The following IQCJ variants were observed in gnomAD, a reference collection of about 807,000 sequenced individuals.
IQCJ encodes IQ motif containing J, also known as IQ domain-containing protein J.
Under a neutral mutation model 11.0 loss-of-function variants are expected in IQCJ, and 9 were observed. That is an observed-to-expected ratio of 0.82 (90% CI 0.49 to 1.43). The LOEUF (loss-of-function observed/expected upper bound fraction) is 1.43, where lower values mean the gene tolerates loss of function less well. IQCJ is among the 40% of genes most tolerant of loss of function. The probability of loss-of-function intolerance (pLI) is 0.00; values close to 1 mark genes in which losing one functional copy is unlikely to be tolerated. For synonymous variants in IQCJ, 55 were observed against 51.3 expected (o/e 1.07, Z -0.31); for missense variants, 146 against 133.2 (o/e 1.10, Z -0.47).
At chr3:159,161,806 G>A (rs1721875902) in intron 1 of IQCJ, among the ~76,000 whole-genome samples, 1 of 152,098 alleles carries the variant, frequency 6.6e-6, no homozygotes, top group African/African-American at 2.4e-5. Context: ...CTCATTGCTT[G>A]TTTTTCTCAG....
chr3:159,086,134 T>A (rs1358496276), intron 1 of IQCJ, among the ~76,000 whole-genome samples: 3 of 152,314 alleles, frequency 2.0e-5, no homozygotes, highest in Admixed American at 2.0e-4. Context: ...TTTCTACATA[T>A]GGCTAGCCAG....
intron 1 of IQCJ, among the ~76,000 whole-genome samples, chr3:159,073,357 G>GAT (rs1715711874): frequency 6.6e-6 from 1 of 152,076 alleles, no homozygotes; most frequent in Admixed American, 6.6e-5. Context: ...CTGCCAAGGT[G>GAT]ATATCTCTAC....
chr3:159,129,470 G>A (rs1000522643), intron 1 of IQCJ, among the ~76,000 whole-genome samples: 6 of 152,130 alleles, frequency 3.9e-5, no homozygotes, highest in African/African-American at 9.7e-5. Flanking sequence ...TTGACTAGAG[G>A]TGGGGTTCTT....
chr3:159,166,850 A>G (rs987132273), intron 1 of IQCJ, among the ~76,000 whole-genome samples: 2 of 152,208 alleles, frequency 1.3e-5, no homozygotes, highest in Non-Finnish European at 2.9e-5. Context: ...GTGCTCCCTC[A>G]GCAAGTCTTC....
intron 1 of IQCJ, among the ~76,000 whole-genome samples, chr3:159,231,164 A>G (rs1726224340): frequency 6.6e-6 from 1 of 152,192 alleles, no homozygotes; most frequent in African/African-American, 2.4e-5. Context: ...CATTTAGGCT[A>G]TGTAAGGAGA....
At chr3:159,092,490 G>A (rs745709836) in intron 1 of IQCJ, among the ~76,000 whole-genome samples, 11 of 151,804 alleles carry the variant, frequency 7.2e-5, no homozygotes, top group Admixed American at 2.0e-4. Flanking sequence ...ACGAGATCAG[G>A]AGATGGAGAC....
intron 1 of IQCJ, among the ~76,000 whole-genome samples, chr3:159,128,824 A>G (rs1041901523): frequency 9.9e-5 from 15 of 152,080 alleles, no homozygotes; most frequent in Admixed American, 7.2e-4. Flanking sequence ...ATCTTTTTCT[A>G]CCCAAGTCTT....
chr3:159,116,954 T>A (rs1719062061), intron 1 of IQCJ, among the ~76,000 whole-genome samples: 1 of 151,880 alleles, frequency 6.6e-6, no homozygotes, highest in African/African-American at 2.4e-5. Flanking sequence ...CTGGGGTGAA[T>A]GGAGGTAGGG....
Position 159,227,637 on chromosome 3 carries a change from C to T in IQCJ, c.10-18206C>T, listed in dbSNP as rs140030821. On this transcript the variant is annotated intron_variant, in intron 1 of 3. Transcript: ENST00000397832. ...GGACTCTCAACAAATATTAGCTAGA[C>T]GGAGCATATTGTACGCATCACATTT... 6.7e-3 allele frequency among the ~76,000 whole-genome samples: 1,017 copies of T among 152,272 alleles called. 7 individuals carry two copies. Among genetic ancestry groups the T allele is most frequent in the African/African-American group, 0.023 (967 of 41,538 alleles).
chr3:159,255,008 G>A (rs1269294961), intron 3 of IQCJ, among the ~76,000 whole-genome samples: 1 of 152,204 alleles, frequency 6.6e-6, no homozygotes, highest in Non-Finnish European at 1.5e-5. Flanking sequence ...AGCTGACCGT[G>A]GCATCTTCAA....
At chr3:159,236,341 TA>T (rs148854189) in intron 1 of IQCJ, among the ~76,000 whole-genome samples, 4,938 of 152,156 alleles carry the variant, frequency 0.032, 279 homozygotes, top group African/African-American at 0.11. Context: ...CTTGCATTTT[TA>T]TTTTTGATGC....
At chr3:159,103,602 A>C (rs1718066350) in intron 1 of IQCJ, among the ~76,000 whole-genome samples, 1 of 152,222 alleles carries the variant, frequency 6.6e-6, no homozygotes. Flanking sequence ...TTATGGAACA[A>C]GTTTTGTATT....
chr3:159,129,220 A>G (rs1167800338), intron 1 of IQCJ, among the ~76,000 whole-genome samples: 1 of 152,224 alleles, frequency 6.6e-6, no homozygotes, highest in Non-Finnish European at 1.5e-5. Flanking sequence ...TGCCTGGGCC[A>G]CACATCCTGT....
intron 1 of IQCJ, among the ~76,000 whole-genome samples, chr3:159,164,394 G>A (rs533713189): frequency 1.3e-5 from 2 of 152,152 alleles, no homozygotes; most frequent in African/African-American, 4.8e-5. Context: ...TTGTCTTACT[G>A]TCTTTAAAAG....
chr3:159,211,342 AC>A (rs1724939499), intron 1 of IQCJ, among the ~76,000 whole-genome samples: 1 of 152,182 alleles, frequency 6.6e-6, no homozygotes. Flanking sequence ...TTTTAACAAA[AC>A]CTTTGCAGCA....
intron 1 of IQCJ, among the ~76,000 whole-genome samples, chr3:159,197,463 C>T (rs1261746157): frequency 6.6e-6 from 1 of 152,176 alleles, no homozygotes; most frequent in East Asian, 1.9e-4. Context: ...AAACACAGGT[C>T]TGGCCATGGC....
chr3:159,116,646 ATATATATATATATATATATATATAC>A (rs2108131273), intron 1 of IQCJ, among the ~76,000 whole-genome samples: 1 of 36,924 alleles, frequency 2.7e-5, no homozygotes, highest in African/African-American at 1.2e-4. Context: ...ATATATATAT[ATATATATATATATATATATATATAC>A]ACCCTTCATC....
At chr3:159,119,573 T>A (rs1042908836) in intron 1 of IQCJ, among the ~76,000 whole-genome samples, 3 of 152,192 alleles carry the variant, frequency 2.0e-5, no homozygotes, top group African/African-American at 7.2e-5. Context: ...TTCCATGAAG[T>A]AGTAAAGTTG....
At chr3:159,153,178 G>T (rs1021447990) in intron 1 of IQCJ, among the ~76,000 whole-genome samples, 1 of 152,138 alleles carries the variant, frequency 6.6e-6, no homozygotes, top group Non-Finnish European at 1.5e-5. Flanking sequence ...TAAAAATTAT[G>T]TAGAATTATA....
Sources: allele counts gnomAD v4.1 joint callset (sites outside exome capture counted in the v4.1 genomes callset), GRCh38; gene constraint gnomAD v4.1.1; transcripts MANE v1.5; gene names NCBI Gene and HGNC (gene_info 2026-07-23, HGNC 2026-07-21).